SCAMP1: variants seen among roughly 807,000 people sequenced by gnomAD.
SCAMP1 encodes secretory carrier membrane protein 1.
SCAMP1 carries 15 observed loss-of-function variants against 41.8 expected under a neutral mutation model. The observed-to-expected ratio is 0.36, with a 90% CI of 0.24 to 0.55. The LOEUF (loss-of-function observed/expected upper bound fraction) is 0.55, where lower values mean the gene tolerates loss of function less well. Ranked by LOEUF, SCAMP1 falls within the 20% of genes least tolerant of loss-of-function variation. SCAMP1 has a pLI of 0.86. For missense variants in SCAMP1, 341 were observed against 412.6 expected, an observed-to-expected ratio of 0.83 and a Z score of 1.50; for synonymous variants, 135 against 136.8, an observed-to-expected ratio of 0.99 and a Z score of 0.09.
chr5:78,457,714 C>G lies in SCAMP1; in HGVS notation c.735-1531C>G, dbSNP rs189153195. On this transcript the variant is annotated intron_variant, in intron 7 of 8. Coordinates refer to ENST00000621999, the MANE Select transcript of SCAMP1 (RefSeq NM_004866.6). ...TCCTTGAGCTGTGGTGGGCTCCACC[C>G]AGTTCGAGCTTCCCGGCTGCTTTGT... 2.0e-3 allele frequency: 309 copies of G among 153,422 alleles called. 1 individual carries two copies. Among genetic ancestry groups the G allele is most frequent in the African/African-American group, 6.9e-3 (287 of 41,590 alleles). The allele number at this position is 153,422 out of a possible 1,614,324, so 9.5% of individuals were successfully genotyped here.
intron 1 of SCAMP1, among the ~76,000 whole-genome samples, chr5:78,371,800 A>G (rs1486480077): frequency 1.7e-4 from 26 of 152,210 alleles, no homozygotes; most frequent in Admixed American, 1.7e-3. Flanking sequence ...TACAGAATAC[A>G]GTTGAATTAA....
chr5:78,361,627 C>T (rs893493967), intron 1 of SCAMP1, among the ~76,000 whole-genome samples: 24 of 152,288 alleles, frequency 1.6e-4, no homozygotes, highest in African/African-American at 5.8e-4. Flanking sequence ...AATGCAACAT[C>T]TAAATAACTC....
In SCAMP1 at chr5:78,415,615, A is replaced by C. The variant is rs777270335; in HGVS notation, c.231A>C (p.Ala77=). 1 of 1,580,350 alleles carries C rather than the reference A, an allele frequency of 6.3e-7. No homozygotes were observed. Among genetic ancestry groups the C allele is most frequent in the Non-Finnish European group, 8.6e-7 (1 of 1,156,312 alleles). ...TEEHPAYTQI[A]KEHALAQAEL... is the part of the protein sequence containing the mutation. ...AACATCCAGCTTATACACAGATTGC[A>C]AAGGTTAGTTCATGTTAGTTGTATA... The change falls in exon 3 of 9, where the codon GCA becomes GCC. Residue 77 remains alanine, a synonymous_variant. Coordinates refer to ENST00000621999, the MANE Select transcript of SCAMP1 (RefSeq NM_004866.6).
At chr5:78,385,141 G>A (rs182923183) in intron 1 of SCAMP1, among the ~76,000 whole-genome samples, 136 of 152,164 alleles carry the variant, frequency 8.9e-4, no homozygotes, top group African/African-American at 3.0e-3. Flanking sequence ...TTACTGGTCT[G>A]TTCAGAGTTT....
At chr5:78,441,716 T>C in intron 6 of SCAMP1, among the ~76,000 whole-genome samples, 1 of 152,120 alleles carries the variant, frequency 6.6e-6, no homozygotes, top group East Asian at 1.9e-4. Flanking sequence ...TAATGCCAGC[T>C]GTTTGGGAGG....
Position 78,416,601 on chromosome 5 carries a change from G to A in SCAMP1, c.295G>A (p.Ala99Thr), listed in dbSNP as rs762983897. 10 of 1,599,690 alleles carry A rather than the reference G, an allele frequency of 6.3e-6. No individual in the cohort carries two copies. The highest frequency in any genetic ancestry group is 2.3e-5 in the East Asian group (1 of 44,376). Residue 99 changes from alanine to threonine, a missense_variant, in exon 4 of 9, where the codon GCA becomes ACA. Transcript: ENST00000621999. ...KRQEELERKA[A>T]ELDRREREMQ... Reference sequence around the variant, plus strand: ...CCAGGAAGAACTAGAAAGAAAAGCCGCAGAATTAGATCGTCGGGAACGAGA... The same window carrying A: ...CCAGGAAGAACTAGAAAGAAAAGCCACAGAATTAGATCGTCGGGAACGAGA...
intron 5 of SCAMP1, among the ~76,000 whole-genome samples, chr5:78,419,763 G>A (rs971362489): frequency 7.2e-5 from 11 of 152,172 alleles, no homozygotes; most frequent in Non-Finnish European, 1.5e-4. Flanking sequence ...CTTAATGGAT[G>A]AGATAATTTT....
Position 78,479,619 on chromosome 5 carries a change from T to C in SCAMP1, c.*3951T>C, listed in dbSNP as rs1034847151. On this transcript the variant is annotated 3_prime_UTR_variant, in exon 9 of 9. Transcript: ENST00000621999. Reference sequence around the variant, plus strand: ...CAGGTATTGCCACTAACCTGTCTTATATAAGCAGATACCTCTTATTTGAAG... The same window carrying C: ...CAGGTATTGCCACTAACCTGTCTTACATAAGCAGATACCTCTTATTTGAAG... 6.6e-6 allele frequency among the ~76,000 whole-genome samples: 1 copy of C among 152,234 alleles called. No individual in the cohort carries two copies. Among genetic ancestry groups the C allele is most frequent in the Admixed American group, 6.5e-5 (1 of 15,288 alleles).
chr5:78,469,535 C>G (rs936289035), intron 8 of SCAMP1, among the ~76,000 whole-genome samples: 1 of 151,420 alleles, frequency 6.6e-6, no homozygotes, highest in Non-Finnish European at 1.5e-5. Flanking sequence ...AAGTACTAAG[C>G]TAGCTACTTA....
chr5:78,432,396 T>A (rs979068314), intron 6 of SCAMP1, among the ~76,000 whole-genome samples: 2 of 152,282 alleles, frequency 1.3e-5, no homozygotes, highest in Admixed American at 1.3e-4. Context: ...CTGCTAATAA[T>A]CAGTTCTCTG....
intron 2 of SCAMP1, among the ~76,000 whole-genome samples, chr5:78,409,662 A>G (rs746482225): frequency 4.1e-4 from 63 of 152,186 alleles, no homozygotes; most frequent in Non-Finnish European, 7.5e-4. Context: ...TTAGATTTAT[A>G]TCAGTGCTAT....
intron 7 of SCAMP1, among the ~76,000 whole-genome samples, chr5:78,454,700 A>T (rs1753338889): frequency 6.6e-6 from 1 of 152,222 alleles, no homozygotes; most frequent in East Asian, 1.9e-4. Context: ...GGCCTCATAA[A>T]ATGACTTAGG....
chr5:78,445,154 A>T (rs1753023723), intron 6 of SCAMP1, among the ~76,000 whole-genome samples: 1 of 152,226 alleles, frequency 6.6e-6, no homozygotes, highest in Non-Finnish European at 1.5e-5. Flanking sequence ...TTGATTTGGC[A>T]TGTGAAATAA....
intron 8 of SCAMP1, among the ~76,000 whole-genome samples, chr5:78,461,169 G>T (rs1192663512): frequency 6.6e-6 from 1 of 152,116 alleles, no homozygotes; most frequent in African/African-American, 2.4e-5. Flanking sequence ...CTTTTGCTAT[G>T]CAGAAGCTCT....
intron 6 of SCAMP1, among the ~76,000 whole-genome samples, chr5:78,434,119 C>T (rs1332078236): frequency 6.6e-6 from 1 of 152,184 alleles, no homozygotes; most frequent in African/African-American, 2.4e-5. Flanking sequence ...AGCCTCCTGT[C>T]TTTCTTCTGA....
At chr5:78,428,919 G>A (rs1752531105) in intron 6 of SCAMP1, among the ~76,000 whole-genome samples, 1 of 152,056 alleles carries the variant, frequency 6.6e-6, no homozygotes. Flanking sequence ...TTTGTTGCTA[G>A]TAGTTAGAAA....
At chr5:78,455,653 A>G (rs1298692825) in intron 7 of SCAMP1, among the ~76,000 whole-genome samples, 1 of 129,170 alleles carries the variant, frequency 7.7e-6, no homozygotes, top group African/African-American at 3.0e-5. Context: ...AAAAAAATGT[A>G]TATTCTGTTG....
At chr5:78,460,788 CCTTCCTTCCTTCCTT>C (rs1753574185) in intron 8 of SCAMP1, among the ~76,000 whole-genome samples, 4 of 33,858 alleles carry the variant, frequency 1.2e-4, no homozygotes, top group Admixed American at 7.3e-4. Context: ...TTCCTTCCTT[CCTTCCTTCCTTCCTT>C]CCTCCCTTCC....
intron 8 of SCAMP1, among the ~76,000 whole-genome samples, chr5:78,466,658 A>C (rs1172267334): frequency 6.6e-6 from 1 of 152,214 alleles, no homozygotes; most frequent in Non-Finnish European, 1.5e-5. Flanking sequence ...GTTTTATCCT[A>C]CAGGGTCTTG....
Sources: allele counts gnomAD v4.1 joint callset (sites outside exome capture counted in the v4.1 genomes callset), GRCh38; gene constraint gnomAD v4.1.1; transcripts MANE v1.5; gene names NCBI Gene and HGNC (gene_info 2026-07-23, HGNC 2026-07-21).